Variants in KCNMA1 observed in about 807,000 individuals in gnomAD.
KCNMA1 encodes potassium calcium-activated channel subfamily M alpha 1, also known as Calcium-activated potassium channel subunit alpha-1.
A neutral mutation model predicts 140.0 loss-of-function variants in KCNMA1; 29 were observed. The observed-to-expected ratio is 0.21, with a 90% CI of 0.15 to 0.28. The LOEUF (loss-of-function observed/expected upper bound fraction) is 0.28, where lower values mean the gene tolerates loss of function less well. Ranked by LOEUF, KCNMA1 falls within the 10% of genes least tolerant of loss-of-function variation. KCNMA1 has a pLI of 1.00. For synonymous variants in KCNMA1, 612 were observed against 611.9 expected, an observed-to-expected ratio of 1.00 and a Z score of 0.00; for missense variants, 880 against 1,602.2, an observed-to-expected ratio of 0.55 and a Z score of 7.70.
At chr10:77,086,366 T>C (rs2096690985) in intron 11 of KCNMA1, 122 bp downstream of exon 11, 4 of 749,592 alleles carry the variant, frequency 5.3e-6, no homozygotes, top group Non-Finnish European at 9.7e-6. Flanking sequence ...TTGATCTCAT[T>C]AGGTGTTTAG....
At chr10:77,538,201 C>A (rs981435137) in intron 1 of KCNMA1, among the ~76,000 whole-genome samples, 1 of 151,908 alleles carries the variant, frequency 6.6e-6, no homozygotes, top group Non-Finnish European at 1.5e-5. Context: ...CTCATACTCA[C>A]ACATACTCTC....
chr10:77,621,279 C>T (rs529192127), intron 1 of KCNMA1, among the ~76,000 whole-genome samples: 48 of 152,286 alleles, frequency 3.2e-4, no homozygotes, highest in South Asian at 8.3e-4. Context: ...CATCCAAGTG[C>T]GCTAAATTTT....
At chr10:77,031,208 G>A (rs773291356) in intron 15 of KCNMA1, among the ~76,000 whole-genome samples, 2 of 152,212 alleles carry the variant, frequency 1.3e-5, no homozygotes, top group African/African-American at 4.8e-5. Flanking sequence ...CATTCTGTTT[G>A]GTAAGTACAG....
chr10:77,519,953 G>A (rs545707400), intron 1 of KCNMA1, among the ~76,000 whole-genome samples: 141 of 151,976 alleles, frequency 9.3e-4, no homozygotes, highest in African/African-American at 3.0e-3. Context: ...GGTATGCAGT[G>A]TGAGGTCTGG....
chr10:77,109,304 CAG>C (rs896267320), intron 8 of KCNMA1, among the ~76,000 whole-genome samples: 2 of 152,050 alleles, frequency 1.3e-5, no homozygotes, highest in Non-Finnish European at 2.9e-5. Flanking sequence ...GCATACAAAA[CAG>C]AGAGAGGTGT....
At position 77,409,118 on chromosome 10, in the gene KCNMA1, G is replaced by A. The variant is rs149466940; in HGVS notation, c.379-5095C>T. 4.0e-3 allele frequency among the ~76,000 whole-genome samples: 605 copies of A among 152,186 alleles called. 2 individuals are homozygous for A. The highest frequency in any genetic ancestry group is 0.013 in the African/African-American group (545 of 41,530). ...CATTCCCTTTAGTGGTGTTCCCCAC[G>A]ATGACTTTTTGTTGACATGGCCGCA... is the stretch of plus-strand genomic sequence containing the variant. On this transcript the variant is annotated intron_variant, in intron 1 of 27. Transcript: ENST00000286628.
chr10:77,478,769 C>T (rs2098328665), intron 1 of KCNMA1, among the ~76,000 whole-genome samples: 1 of 152,090 alleles, frequency 6.6e-6, no homozygotes, highest in South Asian at 2.1e-4. Flanking sequence ...AGGTAATGTA[C>T]ATAACCCTGC....
intron 1 of KCNMA1, among the ~76,000 whole-genome samples, chr10:77,483,204 T>C (rs1480262938): frequency 6.6e-6 from 1 of 152,194 alleles, no homozygotes; most frequent in East Asian, 1.9e-4. Context: ...TTTAATTTCT[T>C]TTTAATTGGC....
rs556350128 is a variant in KCNMA1, at chr10:77,017,619, T to C, written c.2015+1394A>G. ...CCATGTTTTCTTTTTCCCAAAAGCT[T>C]CTGTAGCCAGTATGGCTTAGTTTGC... On this transcript the variant is annotated intron_variant, in intron 17 of 27. Coordinates refer to ENST00000286628, the MANE Select transcript of KCNMA1 (RefSeq NM_001161352.2). 9.8e-5 allele frequency among the ~76,000 whole-genome samples: 15 copies of C among 152,320 alleles called. No homozygotes were observed. In the South Asian group the frequency reaches 2.9e-3, roughly 29 times the overall value.
chr10:77,008,367 G>A (rs77008499), intron 18 of KCNMA1, among the ~76,000 whole-genome samples: 2,309 of 152,280 alleles, frequency 0.015, 36 homozygotes, highest in Middle Eastern at 0.024. Flanking sequence ...TTTAGAGTCT[G>A]GGGGAAGAAA....
intron 23 of KCNMA1, among the ~76,000 whole-genome samples, chr10:76,941,018 G>GAAAGA (rs2061877247): frequency 1.3e-4 from 5 of 38,236 alleles, no homozygotes; most frequent in East Asian, 1.7e-3. Context: ...AGGAAGGAAG[G>GAAAGA]AAGAAAGAAA....
At chr10:77,494,465 T>C (rs774280194) in intron 1 of KCNMA1, among the ~76,000 whole-genome samples, 2 of 152,172 alleles carry the variant, frequency 1.3e-5, no homozygotes, top group Non-Finnish European at 2.9e-5. Context: ...AACGGGCACA[T>C]GGGGATGAAA....
At chr10:77,510,165 A>T (rs975064866) in intron 1 of KCNMA1, among the ~76,000 whole-genome samples, 2 of 152,140 alleles carry the variant, frequency 1.3e-5, no homozygotes, top group African/African-American at 4.8e-5. Context: ...TTGCTCAGTG[A>T]TAAGATAAGC....
At chr10:77,357,559 C>CAATTTTT (rs2093603746) in intron 2 of KCNMA1, among the ~76,000 whole-genome samples, 1 of 152,198 alleles carries the variant, frequency 6.6e-6, no homozygotes, top group South Asian at 2.1e-4. Context: ...GAATAAAGAA[C>CAATTTTT]AATTTTTAAA....
At chr10:76,987,198 G>A (rs1371036107) in intron 19 of KCNMA1, among the ~76,000 whole-genome samples, 2 of 152,010 alleles carry the variant, frequency 1.3e-5, no homozygotes, top group Non-Finnish European at 2.9e-5. Flanking sequence ...TTCACACTGT[G>A]TGTCTTGGTT....
At chr10:77,590,783 ATTTAAATTTCTAAAGGT>A (rs66596195) in intron 1 of KCNMA1, among the ~76,000 whole-genome samples, 112,067 of 151,988 alleles carry the variant, frequency 0.74, 42,751 homozygotes, top group Non-Finnish European at 0.86. Context: ...GTCTAAATTT[ATTTAAATTTCTAAAGGT>A]TTTCTCCCTC....
rs61269933 is a variant in KCNMA1, at chr10:77,481,774, CAA to C, written c.379-77753_379-77752del. On this transcript the variant is annotated intron_variant, in intron 1 of 27. Coordinates refer to ENST00000286628, the MANE Select transcript of KCNMA1 (RefSeq NM_001161352.2). The stretch of plus-strand genomic sequence containing the variant: ...TGGGCAACAGAGAGAGACTCTGTCT[CAA>C]AAAAAAAAAAAAAAAGAAAGAAACT... Among the ~76,000 whole-genome samples, 498 of 132,742 alleles carry C rather than the reference CAA, an allele frequency of 3.8e-3. 2 individuals are homozygous for C. Among genetic ancestry groups the C allele is most frequent in the Middle Eastern group, 0.02 (5 of 248 alleles). 87.1% of individuals were successfully genotyped at this position (132,742 alleles called of 152,430 possible).
At chr10:77,598,188 C>G (rs1041142777) in intron 1 of KCNMA1, among the ~76,000 whole-genome samples, 1 of 152,156 alleles carries the variant, frequency 6.6e-6, no homozygotes, top group Admixed American at 6.5e-5. Flanking sequence ...CCAGGCTGGT[C>G]TTGAATTCAT....
At chr10:77,620,468 C>T (rs1274259541) in intron 1 of KCNMA1, among the ~76,000 whole-genome samples, 1 of 152,210 alleles carries the variant, frequency 6.6e-6, no homozygotes, top group African/African-American at 2.4e-5. Context: ...TCCTATTAGT[C>T]CTTGTCCATG....
Sources: gnomAD v4.1 joint callset for allele counts (sites outside exome capture counted in the v4.1 genomes callset) on GRCh38, gnomAD v4.1.1 for gene constraint, MANE v1.5 for transcripts, NCBI Gene and HGNC (gene_info 2026-07-23, HGNC 2026-07-21) for gene names.